The following RSRC1 variants were observed in gnomAD, a reference collection of about 807,000 sequenced individuals.
The protein encoded by RSRC1 is arginine and serine rich coiled-coil 1, also known as serine/Arginine-related protein 53.
RSRC1 carries 39 observed loss-of-function variants against 49.1 expected under a neutral mutation model. The observed-to-expected ratio is 0.79, with a 90% CI of 0.61 to 1.04. The LOEUF (loss-of-function observed/expected upper bound fraction) is 1.04. Ranked by LOEUF, RSRC1 falls within the 50% of genes least tolerant of loss-of-function variation. The pLI is 0.00. For synonymous variants in RSRC1, 143 were observed against 130.8 expected, an observed-to-expected ratio of 1.09 and a Z score of -0.63; for missense variants, 388 against 402.4, an observed-to-expected ratio of 0.96 and a Z score of 0.31.
chr3:158,254,207 A>G (rs1054072246), intron 4 of RSRC1, among the ~76,000 whole-genome samples: 3 of 152,182 alleles, frequency 2.0e-5, no homozygotes, highest in Non-Finnish European at 4.4e-5. Context: ...GCTATTGTGA[A>G]TAGTGCCAGA....
intron 7 of RSRC1, among the ~76,000 whole-genome samples, chr3:158,489,931 TCACAGAACAAC>T: frequency 6.6e-6 from 1 of 152,162 alleles, no homozygotes; most frequent in Non-Finnish European, 1.5e-5. Context: ...TGTTTTCTTA[TCACAGAACAAC>T]TAAAGAATAT....
At chr3:158,368,618 G>A (rs934496067) in intron 6 of RSRC1, among the ~76,000 whole-genome samples, 2 of 152,194 alleles carry the variant, frequency 1.3e-5, no homozygotes, top group African/African-American at 4.8e-5. Context: ...TCACTTGGGT[G>A]TCTGTGAATT....
At chr3:158,491,835 A>G (rs1739097075) in intron 7 of RSRC1, among the ~76,000 whole-genome samples, 4 of 152,200 alleles carry the variant, frequency 2.6e-5, no homozygotes, top group Admixed American at 2.0e-4. Context: ...AATGTCATTT[A>G]TCCAGAGGTT....
intron 4 of RSRC1, among the ~76,000 whole-genome samples, chr3:158,261,668 C>G (rs1412914781): frequency 6.6e-6 from 1 of 152,116 alleles, no homozygotes; most frequent in Non-Finnish European, 1.5e-5. Context: ...TGTGTCAGAT[C>G]AGCAGCAGTA....
chr3:158,545,167 A>G lies in RSRC1; in HGVS notation c.*892A>G, dbSNP rs1301571806. 1 of 148,826 alleles carries G rather than the reference A, an allele frequency of 6.7e-6. No individual in the cohort carries two copies. 9.2% of individuals were successfully genotyped at this position (148,826 alleles called of 1,614,324 possible). ...TTACAAAACTGGTTTTTAACAGCTG[A>G]CATGAATATTTCCCGTTTCTATTTT... On this transcript the variant is annotated 3_prime_UTR_variant, in exon 10 of 10. Transcript: ENST00000611884.
chr3:158,455,919 G>C (rs1259090631), intron 6 of RSRC1, among the ~76,000 whole-genome samples: 1 of 133,266 alleles, frequency 7.5e-6, no homozygotes, highest in Non-Finnish European at 1.5e-5. Flanking sequence ...AGCAGAGGTT[G>C]CAGTGAGCCA....
chr3:158,390,992 A>T (rs1398161184), intron 6 of RSRC1, among the ~76,000 whole-genome samples: 1 of 152,166 alleles, frequency 6.6e-6, no homozygotes, highest in Non-Finnish European at 1.5e-5. Flanking sequence ...AAGACATTTT[A>T]TCTTTGAATT....
At chr3:158,468,051 A>G (rs990257254) in intron 7 of RSRC1, among the ~76,000 whole-genome samples, 2 of 152,184 alleles carry the variant, frequency 1.3e-5, no homozygotes, top group Non-Finnish European at 2.9e-5. Context: ...CTCCTGCCTC[A>G]GCCTCCCGAG....
chr3:158,214,775 G>A (rs1403402565), intron 4 of RSRC1, among the ~76,000 whole-genome samples: 1 of 151,642 alleles, frequency 6.6e-6, no homozygotes, highest in African/African-American at 2.4e-5. Context: ...ATTTCATTAT[G>A]ACCAAAAAAC....
intron 3 of RSRC1, among the ~76,000 whole-genome samples, chr3:158,164,420 T>G (rs190120719): frequency 6.6e-6 from 1 of 152,192 alleles, no homozygotes; most frequent in Admixed American, 6.5e-5. Flanking sequence ...TTAAGAATAC[T>G]TTTTGTGCTT....
intron 6 of RSRC1, among the ~76,000 whole-genome samples, chr3:158,426,047 A>G (rs1265407973): frequency 1.3e-5 from 2 of 151,720 alleles, no homozygotes; most frequent in Non-Finnish European, 3.0e-5. Context: ...ATTTTTCTAA[A>G]TGATAGTGTT....
intron 5 of RSRC1, among the ~76,000 whole-genome samples, chr3:158,317,385 C>T (rs574581441): frequency 2.0e-5 from 3 of 151,750 alleles, no homozygotes; most frequent in South Asian, 4.2e-4. Flanking sequence ...CATGTCACCA[C>T]GCCCAGCTAA....
chr3:158,502,110 C>A (rs1420442801), intron 7 of RSRC1, among the ~76,000 whole-genome samples: 1 of 152,112 alleles, frequency 6.6e-6, no homozygotes, highest in Non-Finnish European at 1.5e-5. Context: ...TGTATCTTTC[C>A]TTCATATATG....
rs1460168740 is a variant in RSRC1, at chr3:158,175,332, A to C, written c.321-27740A>C. Among the ~76,000 whole-genome samples the C allele has an allele frequency of 2.0e-5, 3 of 152,124 alleles. No individual in the cohort carries two copies. In the South Asian group the frequency reaches 6.2e-4, roughly 31 times the overall value. On this transcript the variant is annotated intron_variant, in intron 3 of 9. Transcript: ENST00000611884. ...TAAGACTTCTTAATTTTAATGTAGC[A>C]GCCTTTCCTTTGTGGTTAGTACTTT...
intron 6 of RSRC1, among the ~76,000 whole-genome samples, chr3:158,427,467 T>G (rs529240508): frequency 6.6e-6 from 1 of 151,784 alleles, no homozygotes; most frequent in East Asian, 2.0e-4. Context: ...ATCCTAAAGT[T>G]TATGTAGAAG....
At chr3:158,164,397 G>A (rs1017201148) in intron 3 of RSRC1, among the ~76,000 whole-genome samples, 1 of 151,372 alleles carries the variant, frequency 6.6e-6, no homozygotes, top group South Asian at 2.1e-4. Flanking sequence ...AATTAAATTT[G>A]ATTTTTTAAA....
At chr3:158,113,577 C>G (rs1247976958) in intron 1 of RSRC1, among the ~76,000 whole-genome samples, 2 of 151,978 alleles carry the variant, frequency 1.3e-5, no homozygotes, top group Admixed American at 1.3e-4. Flanking sequence ...CCATGCTGGC[C>G]AGGATGGTCT....
chr3:158,487,288 A>G (rs1207020222), intron 7 of RSRC1, among the ~76,000 whole-genome samples: 2 of 108,606 alleles, frequency 1.8e-5, no homozygotes, highest in Admixed American at 9.1e-5. Flanking sequence ...TAAATATTCA[A>G]TTTATAATTT....
At chr3:158,501,643 T>A (rs1739604088) in intron 7 of RSRC1, among the ~76,000 whole-genome samples, 1 of 152,234 alleles carries the variant, frequency 6.6e-6, no homozygotes, top group South Asian at 2.1e-4. Flanking sequence ...CTTTAAAGTT[T>A]CTTTTGTCTG....
Sources: gnomAD v4.1 joint callset for allele counts (sites outside exome capture counted in the v4.1 genomes callset) on GRCh38, gnomAD v4.1.1 for gene constraint, MANE v1.5 for transcripts, NCBI Gene and HGNC (gene_info 2026-07-23, HGNC 2026-07-21) for gene names.